NPAS2: variants seen among roughly 807,000 people sequenced by gnomAD.
NPAS2 encodes neuronal PAS domain-containing protein 2.
Under a neutral mutation model 107.5 loss-of-function variants are expected in NPAS2, and 23 were observed. The ratio of observed to expected loss-of-function variants is 0.21; its 90% CI spans 0.15 to 0.30. The LOEUF is 0.30. NPAS2 is among the 10% of genes least tolerant of loss of function. NPAS2 has a pLI of 1.00. For synonymous variants in NPAS2, 403 were observed against 417.5 expected, an observed-to-expected ratio of 0.97 and a Z score of 0.42; for missense variants, 756 against 1,043.3, an observed-to-expected ratio of 0.72 and a Z score of 3.79.
intron 1 of NPAS2, among the ~76,000 whole-genome samples, chr2:100,880,821 C>T (rs1282243694): frequency 2.0e-5 from 3 of 152,076 alleles, no homozygotes; most frequent in African/African-American, 7.2e-5. Flanking sequence ...GGACATATGG[C>T]AAGAGGAAAT....
chr2:100,907,546 A>G (rs1328058098), intron 2 of NPAS2, among the ~76,000 whole-genome samples: 1 of 151,066 alleles, frequency 6.6e-6, no homozygotes, highest in Non-Finnish European at 1.5e-5. Context: ...ATTCTTTTCA[A>G]AGTAGTTTTT....
Position 100,905,539 on chromosome 2 carries a change from G to A in NPAS2, c.32+753G>A, listed in dbSNP as rs11123852. Among the ~76,000 whole-genome samples the A allele has an allele frequency of 6.5e-3, 992 of 152,162 alleles. 55 individuals carry two copies. In the East Asian group the frequency reaches 0.15, roughly 23 times the overall value. ...TGTGCCATGCTCTGGGGAAAAAAAC[G>A]TGAGCAGGAAGCTCCTCAGTGGCTC... On this transcript the variant is annotated intron_variant, in intron 2 of 20. Coordinates refer to ENST00000335681, the MANE Select transcript of NPAS2 (RefSeq NM_002518.4).
At chr2:100,925,339 C>G (rs749928217) in intron 3 of NPAS2, 45 bp downstream of exon 3, 14 of 1,594,218 alleles carry the variant, frequency 8.8e-6, no homozygotes, top group Non-Finnish European at 8.6e-6. Context: ...CCTGCCCCGT[C>G]CATGTGGTGA....
At chr2:100,991,035 C>G (rs1678087593) in intron 19 of NPAS2, among the ~76,000 whole-genome samples, 163 bp downstream of exon 19, 1 of 152,198 alleles carries the variant, frequency 6.6e-6, no homozygotes, top group Non-Finnish European at 1.5e-5. Context: ...CTCAGCTTTT[C>G]TTCTACCGTG....
chr2:100,995,366 C>A, intron 20 of NPAS2, 34 bp from the exon 21 acceptor site: 1 of 1,578,196 alleles, frequency 6.3e-7, no homozygotes, highest in Admixed American at 1.7e-5. Context: ...GACATCAGAA[C>A]CACCTCTGAA....
chr2:100,879,060 C>T (rs904210140), intron 1 of NPAS2, among the ~76,000 whole-genome samples: 2 of 149,922 alleles, frequency 1.3e-5, no homozygotes, highest in African/African-American at 4.9e-5. Context: ...TTGCAGTGAG[C>T]GGAGATCGCA....
intron 1 of NPAS2, among the ~76,000 whole-genome samples, chr2:100,896,069 T>G (rs1573567685): frequency 6.6e-6 from 1 of 152,124 alleles, no homozygotes. Flanking sequence ...GTGGGGCAGG[T>G]GTGCAATGAA....
chr2:100,824,987 G>C (rs1226548995), intron 1 of NPAS2, among the ~76,000 whole-genome samples: 1 of 152,186 alleles, frequency 6.6e-6, no homozygotes, highest in African/African-American at 2.4e-5. Flanking sequence ...AGGCATGGGA[G>C]TACCAGGATG....
chr2:100,852,953 C>T (rs79184458), intron 1 of NPAS2, among the ~76,000 whole-genome samples: 1 of 152,106 alleles, frequency 6.6e-6, no homozygotes, highest in Non-Finnish European at 1.5e-5. Flanking sequence ...TTCCCATAGC[C>T]CTTAAAACAT....
chr2:100,871,725 C>T (rs557799097), intron 1 of NPAS2, among the ~76,000 whole-genome samples: 24 of 152,214 alleles, frequency 1.6e-4, no homozygotes, highest in African/African-American at 4.8e-4. Context: ...TCAGCTCCAG[C>T]GTTGCTCCAC....
intron 7 of NPAS2, among the ~76,000 whole-genome samples, chr2:100,950,925 G>C (rs879426628): frequency 2.0e-5 from 3 of 152,198 alleles, no homozygotes; most frequent in African/African-American, 7.2e-5. Context: ...GTAAATGGAA[G>C]CTCTCGTTGG....
At chr2:100,861,735 T>C (rs1678953822) in intron 1 of NPAS2, among the ~76,000 whole-genome samples, 1 of 152,240 alleles carries the variant, frequency 6.6e-6, no homozygotes, top group Non-Finnish European at 1.5e-5. Context: ...TCAACTCATA[T>C]TCTGCCTTGT....
At chr2:100,977,682 G>A (rs1484384976) in intron 14 of NPAS2, 28 bp from the exon 15 acceptor site, 1 of 1,596,680 alleles carries the variant, frequency 6.3e-7, no homozygotes, top group African/African-American at 1.3e-5. Context: ...CAGAAGCAGT[G>A]GTAACAAAGC....
chr2:100,975,633 G>A, intron 14 of NPAS2, 66 bp downstream of exon 14: 3 of 1,195,102 alleles, frequency 2.5e-6, no homozygotes, highest in Non-Finnish European at 3.5e-6. Flanking sequence ...TGCAGAGCCA[G>A]GCGATGTGCT....
intron 13 of NPAS2, 66 bp downstream of exon 13, chr2:100,975,010 G>A: frequency 3.2e-6 from 5 of 1,574,714 alleles, no homozygotes; most frequent in Non-Finnish European, 4.3e-6. Context: ...GCCCCACAGA[G>A]GGTCCCGGGC....
chr2:100,893,144 G>T (rs756156339), intron 1 of NPAS2, among the ~76,000 whole-genome samples: 1 of 152,200 alleles, frequency 6.6e-6, no homozygotes, highest in Non-Finnish European at 1.5e-5. Flanking sequence ...ATAAGTGAGC[G>T]TCGCAGTTCA....
intron 7 of NPAS2, among the ~76,000 whole-genome samples, chr2:100,960,625 T>C (rs1675861986): frequency 1.3e-5 from 2 of 152,014 alleles, no homozygotes; most frequent in African/African-American, 4.8e-5. Context: ...AGTCGGGCAG[T>C]GAGCTCACCT....
Position 100,982,465 on chromosome 2 carries a change from C to A in NPAS2, c.1629+88C>A, listed in dbSNP as rs13430345. On this transcript the variant is annotated intron_variant, in intron 16 of 20. Coordinates refer to ENST00000335681, the MANE Select transcript of NPAS2 (RefSeq NM_002518.4). ...TTTCCGGGCAGCCAGGACTTCCTCCCAAGCCCTGTGAACTGCCCTGCCAAG... is the reference window on the plus strand; with the variant it reads ...TTTCCGGGCAGCCAGGACTTCCTCCAAAGCCCTGTGAACTGCCCTGCCAAG... The A allele has an allele frequency of 7.2e-3, 10,705 of 1,492,260 alleles. 538 individuals are homozygous for A. The African/African-American group carries it at 0.12, about 17-fold the overall frequency. 92.4% of individuals were successfully genotyped at this position (1,492,260 alleles called of 1,614,324 possible).
chr2:100,833,148 C>T (rs116827038), intron 1 of NPAS2, among the ~76,000 whole-genome samples: 153 of 152,228 alleles, frequency 1.0e-3, no homozygotes, highest in Non-Finnish European at 1.8e-3. Flanking sequence ...GTCTTATGGG[C>T]CAGGGCATTT....
Sources: gnomAD v4.1 joint callset for allele counts (sites outside exome capture counted in the v4.1 genomes callset) on GRCh38, gnomAD v4.1.1 for gene constraint, MANE v1.5 for transcripts, NCBI Gene and HGNC (gene_info 2026-07-23, HGNC 2026-07-21) for gene names.